The following RGS7 variants were observed in gnomAD, a reference collection of about 807,000 sequenced individuals.
RGS7 encodes regulator of G-protein signaling 7.
A neutral mutation model predicts 81.1 loss-of-function variants in RGS7; 27 were observed. The ratio of observed to expected loss-of-function variants is 0.33; its 90% CI spans 0.25 to 0.46. The LOEUF is 0.46. Among genes scored for constraint, RGS7 ranks in the 20% least tolerant of loss-of-function variants. The pLI, the probability that RGS7 is intolerant of heterozygous loss-of-function variation, is 1.00. For synonymous variants in RGS7, 208 were observed against 207.7 expected (o/e 1.00, Z -0.01); for missense variants, 396 against 607.4 (o/e 0.65, Z 3.66).
At chr1:240,902,672 C>T (rs1216217584) in intron 6 of RGS7, among the ~76,000 whole-genome samples, 4 of 152,054 alleles carry the variant, frequency 2.6e-5, no homozygotes, top group African/African-American at 7.2e-5. Context: ...TTACTTGATT[C>T]CAAGATGGTA....
At chr1:240,900,234 C>A (rs1669758559) in intron 6 of RGS7, among the ~76,000 whole-genome samples, 1 of 152,124 alleles carries the variant, frequency 6.6e-6, no homozygotes, top group African/African-American at 2.4e-5. Flanking sequence ...GTTTGAACAT[C>A]CTCCTTTAGC....
chr1:241,155,320 ACTC>A (rs1348849640), intron 2 of RGS7, among the ~76,000 whole-genome samples: 1 of 151,566 alleles, frequency 6.6e-6, no homozygotes, highest in African/African-American at 2.4e-5. Context: ...AGGCTGGTGA[ACTC>A]CTGACCTCAA....
chr1:240,998,749 G>C (rs886285606), intron 3 of RGS7: 1 of 794,034 alleles, frequency 1.3e-6, no homozygotes, highest in African/African-American at 1.7e-5. Flanking sequence ...TCATCGTGCG[G>C]AATGAGGGCC....
chr1:240,954,649 T>G (rs1008097973), intron 4 of RGS7, among the ~76,000 whole-genome samples: 3 of 152,086 alleles, frequency 2.0e-5, no homozygotes, highest in Admixed American at 6.5e-5. Flanking sequence ...ACATCATTAC[T>G]AATGGTAGAA....
intron 14 of RGS7, among the ~76,000 whole-genome samples, chr1:240,808,915 G>C (rs1689364113): frequency 6.6e-6 from 1 of 151,554 alleles, no homozygotes; most frequent in Non-Finnish European, 1.5e-5. Context: ...TTATATAGGT[G>C]GAAGCTAAGT....
intron 2 of RGS7, among the ~76,000 whole-genome samples, chr1:241,332,865 G>T (rs777127742): frequency 6.6e-6 from 1 of 152,100 alleles, no homozygotes; most frequent in Non-Finnish European, 1.5e-5. Context: ...GAACCACCTA[G>T]GAGGGTGTCT....
chr1:241,156,648 G>A (rs965478595), intron 2 of RGS7, among the ~76,000 whole-genome samples: 1 of 152,026 alleles, frequency 6.6e-6, no homozygotes, highest in African/African-American at 2.4e-5. Context: ...TGTAGGTCAG[G>A]TCTCAAAGAG....
At chr1:241,008,417 T>C (rs990080831) in intron 3 of RGS7, among the ~76,000 whole-genome samples, 4 of 152,312 alleles carry the variant, frequency 2.6e-5, no homozygotes, top group Non-Finnish European at 5.9e-5. Context: ...TCAGTAAACC[T>C]GGGTTGGGAG....
At chr1:240,844,552 C>T (rs1414835770) in intron 9 of RGS7, among the ~76,000 whole-genome samples, 1 of 152,136 alleles carries the variant, frequency 6.6e-6, no homozygotes, top group African/African-American at 2.4e-5. Context: ...CTCATTCTAC[C>T]CATGGCTCAC....
chr1:241,259,667 A>AAAAAAAAAAAAAAAAATATAT, intron 2 of RGS7, among the ~76,000 whole-genome samples: 22 of 49,132 alleles, frequency 4.5e-4, no homozygotes, highest in Admixed American at 2.7e-3. Flanking sequence ...AAAAAAAAAA[A>AAAAAAAAAAAAAAAAATATAT]ATATATATAT....
chr1:241,015,280 T>G (rs565484425), intron 3 of RGS7, among the ~76,000 whole-genome samples: 2 of 152,216 alleles, frequency 1.3e-5, no homozygotes, highest in Non-Finnish European at 1.5e-5. Context: ...TCATCTGTCG[T>G]GTACTTTCTG....
intron 2 of RGS7, among the ~76,000 whole-genome samples, chr1:241,104,388 C>T (rs1415539025): frequency 1.3e-5 from 2 of 152,072 alleles, no homozygotes; most frequent in Non-Finnish European, 2.9e-5. Context: ...AAACTGAGTT[C>T]ATGTTGGCCC....
chr1:240,875,492 G>A (rs1040131778), intron 6 of RGS7, among the ~76,000 whole-genome samples: 6 of 152,234 alleles, frequency 3.9e-5, no homozygotes, highest in South Asian at 2.1e-4. Context: ...TGTAATGAAC[G>A]TGGAAGTTCA....
intron 2 of RGS7, among the ~76,000 whole-genome samples, chr1:241,281,923 C>G (rs1173582451): frequency 6.6e-6 from 1 of 152,202 alleles, no homozygotes; most frequent in Non-Finnish European, 1.5e-5. Flanking sequence ...AAACGTTCAA[C>G]TACTTATGTT....
rs144630615 is a variant in RGS7 at position 241,295,284 on chromosome 1, TA to T, written c.78+60414del. ...GAACATGATGAAACCCCGTCTCTACTAAAAAAAAAAATACAAAAATTAGCCA... is the reference window on the plus strand; with the variant it reads ...GAACATGATGAAACCCCGTCTCTACTAAAAAAAAAATACAAAAATTAGCCA... On this transcript the variant is annotated intron_variant, in intron 2 of 18. Coordinates refer to ENST00000440928, the MANE Select transcript of RGS7 (RefSeq NM_001364886.1). Among the ~76,000 whole-genome samples, 1,216 of 146,682 alleles carry T rather than the reference TA, an allele frequency of 8.3e-3. 8 individuals are homozygous for T. The highest frequency in any genetic ancestry group is 0.017 in the Middle Eastern group (5 of 290).
chr1:241,327,128 A>AAGAAAGAAAGAAAGAG (rs2081625303), intron 2 of RGS7, among the ~76,000 whole-genome samples: 2 of 113,682 alleles, frequency 1.8e-5, no homozygotes, highest in Non-Finnish European at 3.9e-5. Context: ...GAAAGAAAGA[A>AAGAAAGAAAGAAAGAG]AGAAAGAAAG....
intron 3 of RGS7, among the ~76,000 whole-genome samples, chr1:240,990,286 T>G (rs1168650819): frequency 6.6e-6 from 1 of 151,842 alleles, no homozygotes; most frequent in African/African-American, 2.4e-5. Flanking sequence ...TTATGTTTCA[T>G]CATAAAAAAA....
rs192387038 is a variant in RGS7, at chr1:241,166,559, C to G, written c.79-67797G>C. Among the ~76,000 whole-genome samples, 340 of 152,256 alleles carry G rather than the reference C, an allele frequency of 2.2e-3. 11 individuals carry two copies. In the South Asian group the frequency reaches 0.052, roughly 23 times the overall value. On this transcript the variant is annotated intron_variant, in intron 2 of 18. Coordinates refer to ENST00000440928, the MANE Select transcript of RGS7 (RefSeq NM_001364886.1). ...GGGCCAGAGATTTTGGGTGTAAAAACTTCCTAGAAAGTGCCTTTAGCGATA... is the reference window on the plus strand; with the variant it reads ...GGGCCAGAGATTTTGGGTGTAAAAAGTTCCTAGAAAGTGCCTTTAGCGATA...
intron 4 of RGS7, among the ~76,000 whole-genome samples, chr1:240,944,621 CAT>C (rs1257342016): frequency 6.6e-6 from 1 of 152,026 alleles, no homozygotes; most frequent in Non-Finnish European, 1.5e-5. Flanking sequence ...CAAACAAGCA[CAT>C]GTGGAAATCA....
Sources: allele counts gnomAD v4.1 joint callset (sites outside exome capture counted in the v4.1 genomes callset), GRCh38; gene constraint gnomAD v4.1.1; transcripts MANE v1.5; gene names NCBI Gene and HGNC (gene_info 2026-07-23, HGNC 2026-07-21).